Variants in PNKD observed in about 807,000 individuals in gnomAD.
PNKD encodes the protein probable thioesterase PNKD.
PNKD carries 36 observed loss-of-function variants against 45.3 expected under a neutral mutation model. The ratio of observed to expected loss-of-function variants is 0.80; its 90% confidence interval spans 0.61 to 1.05. PNKD has a LOEUF of 1.05. Ranked by LOEUF, PNKD falls within the 50% of genes least tolerant of loss-of-function variation. PNKD has a pLI of 0.00. For synonymous variants in PNKD, 197 were observed against 210.1 expected (o/e 0.94, Z 0.54); for missense variants, 511 against 506.6 (o/e 1.01, Z -0.08).
At chr2:218,272,958 GT>G in intron 2 of PNKD, 1 of 1,439,156 alleles carries the variant, frequency 6.9e-7, no homozygotes, top group Middle Eastern at 2.6e-4. Context: ...CCAGGTCTGG[GT>G]TTGTGAGTCC....
intron 2 of PNKD, among the ~76,000 whole-genome samples, chr2:218,283,149 A>G (rs542148747): frequency 6.6e-6 from 1 of 152,246 alleles, no homozygotes; most frequent in East Asian, 1.9e-4. Context: ...CAGCAGGAAG[A>G]GCCCCATAGC....
At position 218,284,982 on chromosome 2, in the gene PNKD, C is replaced by T. The variant is rs187478030; in HGVS notation, c.236+13433C>T. ...GCAGGCGCCTAGAATCCCAGTTACT[C>T]GGGAGGCTGAGGCAGGAGAATCGAT... On this transcript the variant is annotated intron_variant, in intron 2 of 9. Transcript: ENST00000273077. 4.3e-4 allele frequency among the ~76,000 whole-genome samples: 65 copies of T among 152,230 alleles called. No individual in the cohort carries two copies. The East Asian group carries it at 0.012, about 28-fold the overall frequency.
At chr2:218,299,251 C>T (rs1693214217) in intron 2 of PNKD, among the ~76,000 whole-genome samples, 1 of 152,182 alleles carries the variant, frequency 6.6e-6, no homozygotes, top group South Asian at 2.1e-4. Flanking sequence ...AAACGATTCT[C>T]CTGCCTCAGT....
chr2:218,323,297 G>A, intron 2 of PNKD: 1 of 1,554,628 alleles, frequency 6.4e-7, no homozygotes, highest in Non-Finnish European at 8.6e-7. Flanking sequence ...CCGCGGCGTG[G>A]CAGTGGGTCG....
chr2:218,319,238 C>A (rs1456610909), intron 2 of PNKD, among the ~76,000 whole-genome samples: 3 of 151,770 alleles, frequency 2.0e-5, no homozygotes, highest in Admixed American at 2.0e-4. Flanking sequence ...CAGGCGTGAA[C>A]CACTGCACCT....
chr2:218,323,609 T>G (rs1694059667), intron 2 of PNKD, among the ~76,000 whole-genome samples: 1 of 127,372 alleles, frequency 7.9e-6, no homozygotes, highest in Non-Finnish European at 1.7e-5. Flanking sequence ...GCCTGAGGGA[T>G]TTGGGGGGCT....
intron 2 of PNKD, among the ~76,000 whole-genome samples, chr2:218,327,524 G>A (rs1485343391): frequency 2.6e-5 from 4 of 152,070 alleles, no homozygotes; most frequent in African/African-American, 9.7e-5. Context: ...ATGCCTCCCT[G>A]CTGCTCTCTG....
At position 218,345,166 on chromosome 2, in the gene PNKD, C is replaced by A; in HGVS notation, c.*185C>A. ...AGACTGTGAGGCCAAAAGAAGGGGG[C>A]CTGTTGGAGGCTGGGAACCCCGCAG... On this transcript the variant is annotated 3_prime_UTR_variant, in exon 10 of 10. Coordinates refer to ENST00000273077, the MANE Select transcript of PNKD (RefSeq NM_015488.5). 1 of 605,172 alleles carries A rather than the reference C, an allele frequency of 1.7e-6. No homozygotes were observed. The highest frequency in any genetic ancestry group is 2.9e-6 in the Non-Finnish European group (1 of 344,496). 37.5% of individuals were successfully genotyped at this position (605,172 alleles called of 1,614,324 possible). A position where few individuals can be genotyped will look rare whatever the true frequency, so the allele number is the denominator to read the frequency against.
At chr2:218,327,510 C>A (rs186480885) in intron 2 of PNKD, among the ~76,000 whole-genome samples, 1 of 152,256 alleles carries the variant, frequency 6.6e-6, no homozygotes, top group East Asian at 1.9e-4. Flanking sequence ...CCCACAGCAG[C>A]CTCATGCCTC....
intron 2 of PNKD, chr2:218,275,726 A>T (rs1162363354): frequency 6.5e-6 from 9 of 1,375,732 alleles, no homozygotes; most frequent in Non-Finnish European, 5.9e-6. Flanking sequence ...CACAGTGCTT[A>T]GGGCCACATT....
At chr2:218,301,374 G>A (rs1039503455) in intron 2 of PNKD, among the ~76,000 whole-genome samples, 1 of 152,118 alleles carries the variant, frequency 6.6e-6, no homozygotes, top group Non-Finnish European at 1.5e-5. Context: ...TTTCTGCTGC[G>A]TTCCATTTAC....
At chr2:218,323,472 G>T in intron 2 of PNKD, 1 of 1,490,336 alleles carries the variant, frequency 6.7e-7, no homozygotes, top group Non-Finnish European at 8.9e-7. Flanking sequence ...TCGGGAGGCG[G>T]GCGCGCTGGG....
At chr2:218,282,489 G>T (rs894469125) in intron 2 of PNKD, among the ~76,000 whole-genome samples, 2 of 152,264 alleles carry the variant, frequency 1.3e-5, no homozygotes, top group African/African-American at 4.8e-5. Flanking sequence ...ACTCCCTGTT[G>T]TGGTTTAAGA....
chr2:218,313,592 G>C (rs1163482521), intron 2 of PNKD, among the ~76,000 whole-genome samples: 2 of 152,128 alleles, frequency 1.3e-5, no homozygotes, highest in Non-Finnish European at 2.9e-5. Flanking sequence ...AGATCTCTAG[G>C]TTGTTTGTAG....
chr2:218,282,051 C>T lies in PNKD; in HGVS notation c.236+10502C>T, dbSNP rs200149625. 9.4e-6 allele frequency: 15 copies of T among 1,601,812 alleles called. No homozygotes were observed. Among genetic ancestry groups the T allele is most frequent in the African/African-American group, 2.7e-5 (2 of 74,546 alleles). ...TAGGCAGGATACCCTCCTGGCAGGA[C>T]AGATGGCTGCCCATAGCCCCCAGGG... On this transcript the variant is annotated intron_variant, in intron 2 of 9. Coordinates refer to ENST00000273077, the MANE Select transcript of PNKD (RefSeq NM_015488.5).
chr2:218,304,489 AGGGGTG>A (rs1693359095), intron 2 of PNKD, among the ~76,000 whole-genome samples: 1 of 152,106 alleles, frequency 6.6e-6, no homozygotes, highest in Non-Finnish European at 1.5e-5. Context: ...CTTCAGGCCC[AGGGGTG>A]GCGACAGTGT....
intron 2 of PNKD, among the ~76,000 whole-genome samples, chr2:218,325,482 A>T (rs1694124758): frequency 1.3e-5 from 2 of 152,160 alleles, no homozygotes; most frequent in Admixed American, 1.3e-4. Flanking sequence ...CTGGGATTAC[A>T]GGTGGGAGCC....
chr2:218,341,495 G>GC (rs1334842272), intron 5 of PNKD, 39 bp from the exon 6 acceptor site: 1 of 1,325,488 alleles, frequency 7.5e-7, no homozygotes, highest in Admixed American at 1.9e-5. Context: ...AGGTACAGTT[G>GC]CCCCTCGAAG....
At position 218,341,594 on chromosome 2, in the gene PNKD, G is replaced by T; in HGVS notation, c.585G>T (p.Gly195=). 1 of 1,591,990 alleles carries T rather than the reference G, an allele frequency of 6.3e-7. No homozygotes were observed. The highest frequency in any genetic ancestry group is 8.6e-7 in the Non-Finnish European group (1 of 1,169,334). Residue 195 remains glycine (G), a synonymous_variant, in exon 6 of 10, where the codon GGG becomes GGT. Coordinates refer to ENST00000273077, the MANE Select transcript of PNKD (RefSeq NM_015488.5). ...GGCACCGGGACTGTCGGGTGTACGG[G>T]AGCCCTCAGGACGGCATCCCCTACC... ...SRRHRDCRVY[G]SPQDGIPYLT...
Sources: allele counts gnomAD v4.1 joint callset (sites outside exome capture counted in the v4.1 genomes callset), GRCh38; gene constraint gnomAD v4.1.1; transcripts MANE v1.5; gene names NCBI Gene and HGNC (gene_info 2026-07-23, HGNC 2026-07-21).